The following CALN1 variants were observed in gnomAD, a reference collection of about 807,000 sequenced individuals.
The protein encoded by CALN1 is calneuron 1.
In CALN1, 17 loss-of-function variants were observed where a neutral mutation model predicts 30.6. That is an observed-to-expected ratio of 0.56 (90% CI 0.38 to 0.83). The LOEUF is 0.83. Ranked by LOEUF, CALN1 falls within the 40% of genes least tolerant of loss-of-function variation. The pLI is 0.00. For synonymous variants in CALN1, 156 were observed against 131.4 expected (o/e 1.19, Z -1.28); for missense variants, 291 against 354.9 (o/e 0.82, Z 1.45).
intron 6 of CALN1, among the ~76,000 whole-genome samples, chr7:71,808,935 G>A (rs1241531335): frequency 5.9e-5 from 9 of 152,112 alleles, no homozygotes; most frequent in Non-Finnish European, 1.2e-4. Flanking sequence ...CGCATGTCCT[G>A]CTGGAAATGG....
intron 3 of CALN1, among the ~76,000 whole-genome samples, chr7:72,197,895 A>G (rs1399323069): frequency 6.6e-6 from 1 of 152,122 alleles, no homozygotes; most frequent in Non-Finnish European, 1.5e-5. Context: ...ACATAAAAAT[A>G]AATGTAAAAA....
chr7:72,488,301 G>T, the CALN1 span, among the ~76,000 whole-genome samples: 1 of 152,124 alleles, frequency 6.6e-6, no homozygotes, highest in South Asian at 2.1e-4. Context: ...AGCCCAGGAA[G>T]TTGAGGCTGC....
At chr7:72,260,589 G>A (rs1796199792) in intron 3 of CALN1, among the ~76,000 whole-genome samples, 1 of 152,184 alleles carries the variant, frequency 6.6e-6, no homozygotes, top group Non-Finnish European at 1.5e-5. Context: ...CCCAGAAAGA[G>A]TGGCACCTCT....
intron 1 of CALN1, among the ~76,000 whole-genome samples, chr7:72,404,328 C>A (rs1326875521): frequency 6.6e-6 from 1 of 152,154 alleles, no homozygotes; most frequent in Non-Finnish European, 1.5e-5. Context: ...CAGGGACAAC[C>A]TTAAAATAAT....
At chr7:72,500,746 C>T in the CALN1 span, among the ~76,000 whole-genome samples, 32 of 151,976 alleles carry the variant, frequency 2.1e-4, no homozygotes, top group East Asian at 4.6e-3. Context: ...AGTGATGAGG[C>T]ACTAATGTTA....
intron 4 of CALN1, among the ~76,000 whole-genome samples, chr7:72,067,481 C>T (rs1563027465): frequency 6.6e-6 from 1 of 152,102 alleles, no homozygotes; most frequent in Non-Finnish European, 1.5e-5. Context: ...AACTCCTGGC[C>T]TCAAATGATC....
intron 2 of CALN1, among the ~76,000 whole-genome samples, chr7:72,315,796 T>C (rs1292222036): frequency 6.6e-6 from 1 of 151,958 alleles, no homozygotes; most frequent in Non-Finnish European, 1.5e-5. Flanking sequence ...CTGCTGGAAA[T>C]TAAAATAGGA....
intron 5 of CALN1, among the ~76,000 whole-genome samples, chr7:71,901,642 C>T (rs1451369274): frequency 6.6e-6 from 1 of 151,990 alleles, no homozygotes; most frequent in Non-Finnish European, 1.5e-5. Context: ...TGATTTTTGA[C>T]AAAGTCAACA....
At chr7:72,319,087 G>A (rs1585471347) in intron 2 of CALN1, among the ~76,000 whole-genome samples, 1 of 152,142 alleles carries the variant, frequency 6.6e-6, no homozygotes, top group South Asian at 2.1e-4. Flanking sequence ...GCACCCATAT[G>A]TTTATCCAAG....
intron 5 of CALN1, among the ~76,000 whole-genome samples, chr7:72,005,602 C>T (rs530208980): frequency 1.3e-5 from 2 of 152,204 alleles, no homozygotes; most frequent in East Asian, 3.9e-4. Flanking sequence ...AAGTGCTAGG[C>T]TTATGGACAT....
At chr7:72,121,488 T>C (rs1808391499) in intron 3 of CALN1, among the ~76,000 whole-genome samples, 1 of 147,690 alleles carries the variant, frequency 6.8e-6, no homozygotes, top group Non-Finnish European at 1.5e-5. Context: ...AATTATGTTA[T>C]TTATAATATA....
At chr7:72,435,478 C>T (rs1332778017) in intron 1 of CALN1, among the ~76,000 whole-genome samples, 2 of 152,206 alleles carry the variant, frequency 1.3e-5, no homozygotes, top group African/African-American at 4.8e-5. Context: ...ATCCACGCCT[C>T]CCTCGGCCTG....
the CALN1 span, among the ~76,000 whole-genome samples, chr7:72,498,327 GA>G: frequency 6.6e-6 from 1 of 151,850 alleles, no homozygotes; most frequent in Admixed American, 6.6e-5. Context: ...CTATTTATAA[GA>G]GGCTTAACAG....
At chr7:72,023,513 T>C in intron 5 of CALN1, 144 bp downstream of exon 5, 1 of 508,742 alleles carries the variant, frequency 2.0e-6, no homozygotes, top group Non-Finnish European at 3.4e-6. Context: ...AAAGTAGTTG[T>C]TTTGATTCTT....
chr7:72,100,689 G>A (rs1001022148), intron 4 of CALN1, among the ~76,000 whole-genome samples: 6 of 151,552 alleles, frequency 4.0e-5, no homozygotes, highest in Non-Finnish European at 8.8e-5. Flanking sequence ...GCGTGGTGGC[G>A]GGTGCCTGTA....
intron 3 of CALN1, among the ~76,000 whole-genome samples, chr7:72,155,502 AAAAG>A (rs1359656112): frequency 1.3e-5 from 2 of 151,814 alleles, no homozygotes; most frequent in East Asian, 1.9e-4. Context: ...AAAAAAAAAA[AAAAG>A]AGAGAGAGAA....
chr7:72,118,143 C>CA (rs755217995), intron 3 of CALN1, among the ~76,000 whole-genome samples: 32 of 152,200 alleles, frequency 2.1e-4, no homozygotes, highest in Non-Finnish European at 3.7e-4. Flanking sequence ...ACCTCATAGC[C>CA]AAAACCACAT....
At chr7:71,950,526 C>G (rs955654153) in intron 5 of CALN1, among the ~76,000 whole-genome samples, 1 of 152,108 alleles carries the variant, frequency 6.6e-6, no homozygotes, top group African/African-American at 2.4e-5. Flanking sequence ...GCAAGCATAG[C>G]CCGAACTGAT....
intron 4 of CALN1, among the ~76,000 whole-genome samples, chr7:72,088,179 A>T (rs1016188343): frequency 8.5e-5 from 13 of 152,052 alleles, no homozygotes; most frequent in Non-Finnish European, 1.5e-4. Flanking sequence ...AAAAACTGAG[A>T]GTGTGAATCA....
Sources: allele counts gnomAD v4.1 joint callset (sites outside exome capture counted in the v4.1 genomes callset), GRCh38; gene constraint gnomAD v4.1.1; transcripts MANE v1.5; gene names NCBI Gene and HGNC (gene_info 2026-07-23, HGNC 2026-07-21).